VPS45: variants seen among roughly 807,000 people sequenced by gnomAD.
The protein encoded by VPS45 is vacuolar protein sorting-associated protein 45.
A neutral mutation model predicts 75.9 loss-of-function variants in VPS45; 35 were observed. That is an observed-to-expected ratio of 0.46 (90% CI 0.35 to 0.61). The LOEUF (loss-of-function observed/expected upper bound fraction) is 0.61. Among genes scored for constraint, VPS45 ranks in the 20% least tolerant of loss-of-function variants. VPS45 has a pLI of 0.00. For missense variants in VPS45, 559 were observed against 685.9 expected (o/e 0.81, Z 2.07); for synonymous variants, 220 against 238.2 (o/e 0.92, Z 0.70).
In VPS45 at chr1:150,144,773, T is replaced by G; in HGVS notation, c.1690T>G (p.Ser564Ala). The G allele has an allele frequency of 6.2e-7, 1 of 1,614,202 alleles. No homozygotes were observed. Among genetic ancestry groups the G allele is most frequent in the Non-Finnish European group, 8.5e-7 (1 of 1,180,036 alleles). ...SRSKESSQVT[S>A]RSASRR ...AAGCAAGGAGAGCTCTCAAGTCACA[T>G]CAAGGTCAGCGAGCAGAAGATGAAA... The change falls in exon 15 of 15, where the codon TCA (serine) becomes GCA (alanine). Residue 564 changes from serine to alanine, a missense_variant. By Grantham distance (99) the Ser-to-Ala change is moderately conservative. Transcript: ENST00000644510.
chr1:150,070,610 G>A (rs1281064484), intron 2 of VPS45, among the ~76,000 whole-genome samples: 1 of 144,490 alleles, frequency 6.9e-6, no homozygotes, highest in South Asian at 2.2e-4. Context: ...GGCCAACATG[G>A]TGAAACCCCG....
intron 10 of VPS45, among the ~76,000 whole-genome samples, chr1:150,088,434 A>AATAAATATATATATATATAT (rs1400963423): frequency 8.0e-6 from 1 of 125,536 alleles, no homozygotes; most frequent in Admixed American, 8.2e-5. Flanking sequence ...CTGAATAATA[A>AATAAATATATATATATATAT]ATATATATAT....
At position 150,081,939 on chromosome 1, in the gene VPS45, A is replaced by G; in HGVS notation, c.878A>G (p.Asp293Gly). ...AGCAATATAAAGAATCTCATGGAAG[A>G]TTTTCAGAAGAAGAAACCAAAAGAA... ...IGSNIKNLMEDFQKKKPKEQQ... is the reference protein window; with the variant it reads ...IGSNIKNLMEGFQKKKPKEQQ... Residue 293 changes from aspartate (D) to glycine (G), a missense_variant, in exon 9 of 15, where the codon GAT (aspartate) becomes GGT (glycine). Coordinates refer to ENST00000644510, the MANE Select transcript of VPS45 (RefSeq NM_007259.5). 6.2e-7 allele frequency: 1 copy of G among 1,613,698 alleles called. No homozygotes were observed. Among genetic ancestry groups the G allele is most frequent in the Non-Finnish European group, 8.5e-7 (1 of 1,179,836 alleles).
chr1:150,074,649 A>G (rs1655266740), intron 3 of VPS45, among the ~76,000 whole-genome samples: 3 of 152,146 alleles, frequency 2.0e-5, no homozygotes, highest in South Asian at 4.1e-4. Context: ...TGGCCTCCCA[A>G]AGTGATGGGA....
chr1:150,078,235 C>T (rs587679895), intron 7 of VPS45, among the ~76,000 whole-genome samples: 1 of 152,334 alleles, frequency 6.6e-6, no homozygotes, highest in South Asian at 2.1e-4. Flanking sequence ...GCTTAAAAAA[C>T]TTCATTGGTT....
At chr1:150,133,370 T>C (rs1256836616) in intron 14 of VPS45, among the ~76,000 whole-genome samples, 1 of 151,598 alleles carries the variant, frequency 6.6e-6, no homozygotes, top group Non-Finnish European at 1.5e-5. Flanking sequence ...GCCAACATGG[T>C]GAAACCCCAT....
intron 14 of VPS45, among the ~76,000 whole-genome samples, chr1:150,140,060 A>G (rs1659303436): frequency 6.6e-6 from 1 of 151,952 alleles, no homozygotes; most frequent in African/African-American, 2.4e-5. Context: ...CGCCTGGCTA[A>G]TTTTTGTATT....
chr1:150,077,634 T>C, intron 6 of VPS45, 35 bp from the exon 7 acceptor site: 1 of 1,407,672 alleles, frequency 7.1e-7, no homozygotes, highest in Non-Finnish European at 1.0e-6. Flanking sequence ...TGTAACTAGA[T>C]GGTTGCACAA....
rs782653921 is a variant in VPS45, at chr1:150,067,912, G to C, written c.55G>C (p.Gly19Arg). 2 of 1,614,100 alleles carry C rather than the reference G, an allele frequency of 1.2e-6. No individual in the cohort carries two copies. The highest frequency in any genetic ancestry group is 1.7e-5 in the Admixed American group (1 of 60,012). ...QYISKMIEDS[G>R]PGMKVLLMDK... ...CATTTCCAAAATGATAGAGGACAGC[G>C]GGCCTGGTATGAAAGTACTTCTCAT... Residue 19 changes from glycine to arginine, a missense_variant, in exon 1 of 15, where the codon GGG (glycine) becomes CGG (arginine). Transcript: ENST00000644510.
chr1:150,080,113 A>G (rs1295568683), intron 7 of VPS45, among the ~76,000 whole-genome samples: 1 of 151,888 alleles, frequency 6.6e-6, no homozygotes, highest in East Asian at 1.9e-4. Context: ...CATGTACAAG[A>G]AGCTATCCAT....
intron 13 of VPS45, among the ~76,000 whole-genome samples, chr1:150,106,092 A>G (rs1021167877): frequency 9.2e-5 from 14 of 152,184 alleles, no homozygotes; most frequent in Non-Finnish European, 1.2e-4. Flanking sequence ...TCTTAACCAT[A>G]TACAAAAATT....
intron 10 of VPS45, among the ~76,000 whole-genome samples, chr1:150,085,218 C>T (rs973997759): frequency 2.0e-5 from 3 of 151,978 alleles, no homozygotes; most frequent in Admixed American, 6.6e-5. Context: ...AATTGTGTCC[C>T]GTAACTAAAT....
At chr1:150,123,067 G>C (rs1263316860) in intron 14 of VPS45, among the ~76,000 whole-genome samples, 17 of 150,024 alleles carry the variant, frequency 1.1e-4, no homozygotes, top group Non-Finnish European at 8.9e-5. Context: ...TCTAACTTCT[G>C]TCTCTACAAA....
At chr1:150,134,222 T>C (rs1391526872) in intron 14 of VPS45, among the ~76,000 whole-genome samples, 1 of 152,176 alleles carries the variant, frequency 6.6e-6, no homozygotes, top group African/African-American at 2.4e-5. Context: ...AGGTATTCCA[T>C]TTTTAAAAGG....
chr1:150,133,652 C>T (rs1658938285), intron 14 of VPS45, among the ~76,000 whole-genome samples: 5 of 152,204 alleles, frequency 3.3e-5, no homozygotes, highest in Admixed American at 3.3e-4. Context: ...ATAGTGTTCA[C>T]CATGCTGCCC....
intron 14 of VPS45, among the ~76,000 whole-genome samples, chr1:150,143,825 A>G (rs1272435974): frequency 2.0e-5 from 3 of 152,176 alleles, no homozygotes; most frequent in Admixed American, 6.5e-5. Context: ...GCCACTTACT[A>G]GCTGTTGTGA....
rs76623759 is a variant in VPS45 at position 150,132,434 on chromosome 1, T to C, written c.1626-12275T>C. 0.016 allele frequency among the ~76,000 whole-genome samples: 2,457 copies of C among 152,298 alleles called. 153 individuals carry two copies. The East Asian group carries it at 0.17, about 10-fold the overall frequency. ...TTTTCATGATCAAAAAATATTAAAA[T>C]GTTCTACCAATTTTAAAGAGCCATC... is the stretch of plus-strand genomic sequence containing the variant. On this transcript the variant is annotated intron_variant, in intron 14 of 14. Coordinates refer to ENST00000644510, the MANE Select transcript of VPS45 (RefSeq NM_007259.5).
chr1:150,089,263 T>C (rs1249839419), intron 10 of VPS45, among the ~76,000 whole-genome samples: 1 of 151,990 alleles, frequency 6.6e-6, no homozygotes, highest in Non-Finnish European at 1.5e-5. Flanking sequence ...GGTAAGAGAG[T>C]GACTGCAAGG....
At chr1:150,105,997 C>T (rs369910577) in intron 13 of VPS45, among the ~76,000 whole-genome samples, 6 of 152,090 alleles carry the variant, frequency 3.9e-5, no homozygotes, top group Admixed American at 2.6e-4. Flanking sequence ...TAAAAATAAA[C>T]AATGGGGAAA....
Sources: gnomAD v4.1 joint callset for allele counts (sites outside exome capture counted in the v4.1 genomes callset) on GRCh38, gnomAD v4.1.1 for gene constraint, MANE v1.5 for transcripts, NCBI Gene and HGNC (gene_info 2026-07-23, HGNC 2026-07-21) for gene names.